The following LAMB2 variants were observed in gnomAD, a reference collection of about 807,000 sequenced individuals.
The protein encoded by LAMB2 is laminin subunit beta 2.
In LAMB2, 119 loss-of-function variants were observed where a neutral mutation model predicts 202.7. That is an observed-to-expected ratio of 0.59 (90% CI 0.51 to 0.68). The LOEUF is 0.68. Among genes scored for constraint, LAMB2 ranks in the 30% least tolerant of loss-of-function variants. LAMB2 has a pLI of 0.00. For missense variants in LAMB2, 2,124 were observed against 2,410.6 expected, an observed-to-expected ratio of 0.88 and a Z score of 2.49; for synonymous variants, 818 against 902.2, an observed-to-expected ratio of 0.91 and a Z score of 1.67.
In LAMB2 at chr3:49,121,791, C is replaced by T; in HGVS notation, c.4993G>A (p.Ala1665Thr). Reference protein sequence around the residue: ...SAGERARQLDALLEALKLKRA... With the variant: ...SAGERARQLDTLLEALKLKRA... ...TTCAATTTCAGAGCCTCCAGGAGAG[C>T]ATCCAACTGCCGAGCCCTTTCACCT... is the stretch of plus-strand genomic sequence containing the variant. Residue 1665 changes from alanine (A) to threonine (T), a missense_variant, in exon 30 of 32, where the codon GCT becomes ACT. Physicochemically the swap from Ala to Thr is moderately conservative, Grantham distance 58. Transcript: ENST00000305544. 13 of 1,613,422 alleles carry T rather than the reference C, an allele frequency of 8.1e-6. No individual in the cohort carries two copies. The highest frequency in any genetic ancestry group is 1.1e-5 in the Non-Finnish European group (13 of 1,180,034).
In LAMB2 at chr3:49,132,982, A is replaced by C; in HGVS notation, c.-115T>G. On this transcript the variant is annotated 5_prime_UTR_variant, in exon 1 of 32. Transcript: ENST00000305544. This position sits in a 1 kb window ranked among gnomAD's most constrained non-coding sequence, Gnocchi z 4.6. The stretch of plus-strand genomic sequence containing the variant: ...GTGGGTCTTTGGCCTGTTTCCCTCC[A>C]GGCCCTCTGTCAGTTCCCAGGTCTG... The C allele has an allele frequency of 2.2e-6, 2 of 900,324 alleles. No homozygotes were observed. Among genetic ancestry groups the C allele is most frequent in the Admixed American group, 1.9e-5 (1 of 52,096 alleles). The allele number at this position is 900,324 out of a possible 1,614,324, so 55.8% of individuals were successfully genotyped here.
rs906656535 is a variant in LAMB2 at position 49,131,806 on chromosome 3, A to T, written c.460-83T>A. 5 of 1,443,272 alleles carry T rather than the reference A, an allele frequency of 3.5e-6. No individual in the cohort carries two copies. Among genetic ancestry groups the T allele is most frequent in the Admixed American group, 1.8e-5 (1 of 54,328 alleles). 89.4% of individuals were successfully genotyped at this position (1,443,272 alleles called of 1,614,324 possible). A position where few individuals can be genotyped will look rare whatever the true frequency, so the allele number is the denominator to read the frequency against. On this transcript the variant is annotated intron_variant, in intron 4 of 31. Coordinates refer to ENST00000305544, the MANE Select transcript of LAMB2 (RefSeq NM_002292.4). The surrounding 1 kb of genome is among the most constrained non-coding windows in gnomAD (Gnocchi z 5.0). ...CATCAAGAGCCCTGCTCAGCCCAAG[A>T]CTGCCCTCAAATAGCTCACAGAGAG... is the stretch of plus-strand genomic sequence containing the variant.
In LAMB2 at chr3:49,130,840, G is replaced by A; in HGVS notation, c.936C>T (p.Cys312=). The change falls in exon 8 of 32, where the codon TGC becomes TGT. Residue 312 remains cysteine (C), a synonymous_variant. Coordinates refer to ENST00000305544, the MANE Select transcript of LAMB2 (RefSeq NM_002292.4). This position sits in a 1 kb window ranked among gnomAD's most constrained non-coding sequence, Gnocchi z 5.0. ...AGTTGAGGCCACGTGTGTTGTGTTTGCAGATGCAAGCTCCGTGCACCTATA... is the reference window on the plus strand; with the variant it reads ...AGTTGAGGCCACGTGTGTTGTGTTTACAGATGCAAGCTCCGTGCACCTATA... ...AEGMVHGACI[C]KHNTRGLNCE... 1.9e-6 allele frequency: 3 copies of A among 1,614,182 alleles called. No individual in the cohort carries two copies. The highest frequency in any genetic ancestry group is 1.6e-4 in the Middle Eastern group (1 of 6,062).
At chr3:49,127,414 G>C (rs748742864) in intron 15 of LAMB2, among the ~76,000 whole-genome samples, 1 of 152,184 alleles carries the variant, frequency 6.6e-6, no homozygotes, top group Non-Finnish European at 1.5e-5. Context: ...AAAAGCAATA[G>C]GTCAAGTGCA....
In LAMB2 at chr3:49,123,989, C is replaced by T. The variant is rs543716771; in HGVS notation, c.3536G>A (p.Gly1179Asp). 2.5e-6 allele frequency: 4 copies of T among 1,613,454 alleles called. No individual in the cohort carries two copies. In the East Asian group the frequency reaches 6.7e-5, roughly 27 times the overall value. ...GCAGGCAGGAAAGATTCCTGAGAAG[C>T]CACGGGCACACTGGTCACAGCGCAC... ...SGVRCDQCAR[G>D]FSGIFPACHP... The change falls in exon 24 of 32, where the codon GGC becomes GAC. Residue 1179 changes from glycine (G) to aspartate (D), a missense_variant. This residue lies in a region of LAMB2 where 1,702 missense variants were observed against 1,896.3 expected (regional missense o/e 0.90). Coordinates refer to ENST00000305544, the MANE Select transcript of LAMB2 (RefSeq NM_002292.4).
In LAMB2 at chr3:49,130,908, C is replaced by T. The variant is rs371611364; in HGVS notation, c.915+42G>A. On this transcript the variant is annotated intron_variant, in intron 7 of 31. Transcript: ENST00000305544. The surrounding 1 kb of genome is among the most constrained non-coding windows in gnomAD (Gnocchi z 5.0). ...TGTCAGCACTGCTCAGCCATGTCCG[C>T]CCCTGCCCCTAGCCCTATCCCAACC... 8 of 1,614,062 alleles carry T rather than the reference C, an allele frequency of 5.0e-6. No individual in the cohort carries two copies. The African/African-American group carries it at 9.3e-5, about 19-fold the overall frequency.
Position 49,122,726 on chromosome 3 carries a change from C to CA in LAMB2, c.4550_4551insT (p.Gln1517HisfsTer13). On this transcript the variant is annotated frameshift_variant, in exon 27 of 32. Coordinates refer to ENST00000305544, the MANE Select transcript of LAMB2 (RefSeq NM_002292.4). LOFTEE classifies it high-confidence loss of function. ...CACGGTTGAGGAAGTCCTTCACACT[C>CA]TGGATAAGTTCTTGAAGTTCCTGGT... is the stretch of plus-strand genomic sequence containing the variant. 1 of 1,614,158 alleles carries CA rather than the reference C, an allele frequency of 6.2e-7. No homozygotes were observed. The highest frequency in any genetic ancestry group is 1.1e-5 in the South Asian group (1 of 91,078).
intron 15 of LAMB2, 134 bp downstream of exon 15, chr3:49,128,324 C>A (rs746412714): frequency 1.2e-5 from 15 of 1,203,600 alleles, no homozygotes; most frequent in Non-Finnish European, 1.7e-5. Context: ...CAGGGCCTGG[C>A]AACCAGCATT....
In LAMB2 at chr3:49,126,132, G is replaced by C. The variant is rs760463111; in HGVS notation, c.2179C>G (p.Leu727Val). 14 of 1,613,126 alleles carry C rather than the reference G, an allele frequency of 8.7e-6. No homozygotes were observed. The South Asian group carries it at 1.5e-4, about 18-fold the overall frequency. Residue 727 changes from leucine (L) to valine (V), a missense_variant, in exon 17 of 32, where the codon CTA becomes GTA. Leu to Val is a conservative substitution (Grantham distance 32). Transcript: ENST00000305544. The part of the protein sequence containing the change: ...SLVLLPRVLV[L>V]EMFSGGDAAA... ...GCATCACCCCCACTAAACATCTCTA[G>C]CACCAGGACACGGGGCAGCAGCACC...
Position 49,129,458 on chromosome 3 carries a change from A to G in LAMB2, c.1519-134T>C, listed in dbSNP as rs1173311990. The G allele has an allele frequency of 4.6e-6, 5 of 1,079,338 alleles. No homozygotes were observed. In the Admixed American group the frequency reaches 9.9e-5, roughly 21 times the overall value. 66.9% of individuals were successfully genotyped at this position (1,079,338 alleles called of 1,614,324 possible). A position where few individuals can be genotyped will look rare whatever the true frequency, so the allele number is the denominator to read the frequency against. The stretch of plus-strand genomic sequence containing the variant: ...CATGCCCCCCAGACCACTGGCCCAC[A>G]TCCTTGGCCTCCCAGACCTGAGGCT... On this transcript the variant is annotated intron_variant, in intron 11 of 31. Coordinates refer to ENST00000305544, the MANE Select transcript of LAMB2 (RefSeq NM_002292.4). The surrounding 1 kb of genome is among the most constrained non-coding windows in gnomAD (Gnocchi z 6.1).
rs958859157 is a variant in LAMB2 at position 49,125,821 on chromosome 3, T to C, written c.2414A>G (p.Lys805Arg). 6.2e-7 allele frequency: 1 copy of C among 1,613,960 alleles called. No homozygotes were observed. Among genetic ancestry groups the C allele is most frequent in the African/African-American group, 1.3e-5 (1 of 74,892 alleles). Residue 805 changes from lysine to arginine, a missense_variant, in exon 18 of 32, where the codon AAG (lysine) becomes AGG (arginine). By Grantham distance (26) the Lys-to-Arg change is conservative. Coordinates refer to ENST00000305544, the MANE Select transcript of LAMB2 (RefSeq NM_002292.4). ...ACAGCGGCGCCCAACCACTCCAGGC[T>C]TGCACAGGCACTGACCACCATGAGG... ...CNPHGGQCLC[K>R]PGVVGRRCDL...
rs370554848 is a variant in LAMB2, at chr3:49,132,782, G to T, written c.76+10C>A. 4.3e-6 allele frequency: 7 copies of T among 1,614,016 alleles called. No individual in the cohort carries two copies. The South Asian group carries it at 5.5e-5, about 13-fold the overall frequency. On this transcript the variant is annotated intron_variant, in intron 1 of 31. Coordinates refer to ENST00000305544, the MANE Select transcript of LAMB2 (RefSeq NM_002292.4). The surrounding 1 kb of genome is among the most constrained non-coding windows in gnomAD (Gnocchi z 4.6). ...TTCCACAACCCCCAGCCCCCACCAGGCCCTCTCACCGCTTAGCAGTAGGCC... is the reference window on the plus strand; with the variant it reads ...TTCCACAACCCCCAGCCCCCACCAGTCCCTCTCACCGCTTAGCAGTAGGCC...
At position 49,125,373 on chromosome 3, in the gene LAMB2, C is replaced by T. The variant is rs2045401602; in HGVS notation, c.2600G>A (p.Gly867Asp). The change falls in exon 19 of 32, where the codon GGC becomes GAC. Residue 867 changes from glycine (G) to aspartate (D), a missense_variant. Transcript: ENST00000305544. ...CCGGCAGCTAGGGAATCCCCACTGG[C>T]CACGCTGGCAGCGGTCACAGCGAAG... ...FGLRCDRCQR[G>D]QWGFPSCRPC... 1 of 1,613,970 alleles carries T rather than the reference C, an allele frequency of 6.2e-7. No individual in the cohort carries two copies. The highest frequency in any genetic ancestry group is 1.3e-5 in the African/African-American group (1 of 74,952).
At position 49,131,957 on chromosome 3, in the gene LAMB2, G is replaced by A. The variant is rs1242185017; in HGVS notation, c.459+159C>T. 6.6e-6 allele frequency among the ~76,000 whole-genome samples: 1 copy of A among 152,210 alleles called. No individual in the cohort carries two copies. Among genetic ancestry groups the A allele is most frequent in the Non-Finnish European group, 1.5e-5 (1 of 68,032 alleles). ...AGCCTGGGATTGGAAAGGCAGAAGA[G>A]CATGTGCAAAGGCCTGGAGGCAAAT... On this transcript the variant is annotated intron_variant, in intron 4 of 31. Coordinates refer to ENST00000305544, the MANE Select transcript of LAMB2 (RefSeq NM_002292.4). The surrounding 1 kb of genome is among the most constrained non-coding windows in gnomAD (Gnocchi z 5.0).
Position 49,130,025 on chromosome 3 carries a change from G to A in LAMB2, c.1226-7C>T. 6.2e-7 allele frequency: 1 copy of A among 1,613,612 alleles called. No homozygotes were observed. The highest frequency in any genetic ancestry group is 1.1e-5 in the South Asian group (1 of 91,066). ...ATGGGGTCACAATCACAGGCTGACG[G>A]CAAAAAGAGATACAGGGTCACTCAC... is the stretch of plus-strand genomic sequence containing the variant. On this transcript the variant is annotated splice_polypyrimidine_tract_variant and splice_region_variant and intron_variant, in intron 9 of 31. Coordinates refer to ENST00000305544, the MANE Select transcript of LAMB2 (RefSeq NM_002292.4). The surrounding 1 kb of genome is among the most constrained non-coding windows in gnomAD (Gnocchi z 5.0).
At position 49,126,187 on chromosome 3, in the gene LAMB2, GT is replaced by G. The variant is rs759228557; in HGVS notation, c.2152-29del. The G allele has an allele frequency of 1.9e-6, 3 of 1,610,368 alleles. No individual in the cohort carries two copies. The Admixed American group carries it at 5.0e-5, about 27-fold the overall frequency. On this transcript the variant is annotated intron_variant, in intron 16 of 31. Transcript: ENST00000305544. ...GAAGGAGTGAGCAAGGAAGATCGCA[GT>G]TCAGACCTGGGACCACGTAGGCATT...
rs1043957035 is a variant in LAMB2, at chr3:49,122,439, G to A, written c.4574-69C>T. The A allele has an allele frequency of 2.1e-6, 3 of 1,458,126 alleles. No individual in the cohort carries two copies. In the African/African-American group the frequency reaches 4.2e-5, roughly 20 times the overall value. The allele number at this position is 1,458,126 out of a possible 1,614,324, so 90.3% of individuals were successfully genotyped here. A position where few individuals can be genotyped will look rare whatever the true frequency, so the allele number is the denominator to read the frequency against. On this transcript the variant is annotated intron_variant, in intron 27 of 31. Transcript: ENST00000305544. ...ATGGGCATGAGGATACAGTTTTGGG[G>A]TATGGACTCAGGACATGTACATGGG...
At position 49,129,490 on chromosome 3, in the gene LAMB2, C is replaced by A. The variant is rs2045458558; in HGVS notation, c.1518+114G>T. On this transcript the variant is annotated intron_variant, in intron 11 of 31. Transcript: ENST00000305544. This position sits in a 1 kb window ranked among gnomAD's most constrained non-coding sequence, Gnocchi z 6.1. ...GCCTCCCAGACCTGAGGCTTCTCAG[C>A]CAGGACTGGATCCTAAGCTCTCAGC... is the stretch of plus-strand genomic sequence containing the variant. The A allele has an allele frequency of 9.1e-7, 1 of 1,104,092 alleles. No homozygotes were observed. 68.4% of individuals were successfully genotyped at this position (1,104,092 alleles called of 1,614,324 possible). A position where few individuals can be genotyped will look rare whatever the true frequency, so the allele number is the denominator to read the frequency against.
intron 15 of LAMB2, among the ~76,000 whole-genome samples, chr3:49,127,061 C>T (rs1185919559): frequency 1.3e-5 from 2 of 152,170 alleles, no homozygotes; most frequent in Non-Finnish European, 2.9e-5. Context: ...CCTTGGCTCA[C>T]TGCAGCCTTG....
Sources: allele counts gnomAD v4.1 joint callset (sites outside exome capture counted in the v4.1 genomes callset), GRCh38; gene constraint gnomAD v4.1.1; regional missense constraint gnomAD v4.1.1; non-coding constraint Gnocchi (gnomAD v3.1); transcripts MANE v1.5; gene names NCBI Gene and HGNC (gene_info 2026-07-23, HGNC 2026-07-21).